HSD17B6: variants seen among roughly 807,000 people sequenced by gnomAD.
HSD17B6 encodes 17-beta-hydroxysteroid dehydrogenase type 6.
Under a neutral mutation model 26.4 loss-of-function variants are expected in HSD17B6, and 16 were observed. That is an observed-to-expected ratio of 0.61 (90% confidence interval 0.41 to 0.92). HSD17B6 has a LOEUF of 0.92. Ranked by LOEUF, HSD17B6 falls within the 40% of genes least tolerant of loss-of-function variation. HSD17B6 has a pLI of 0.00. For synonymous variants in HSD17B6, 139 were observed against 153.0 expected, an observed-to-expected ratio of 0.91 and a Z score of 0.68; for missense variants, 357 against 386.1, an observed-to-expected ratio of 0.92 and a Z score of 0.63.
At chr12:56,778,028 G>T (rs1200841848) in intron 2 of HSD17B6, among the ~76,000 whole-genome samples, 2 of 152,142 alleles carry the variant, frequency 1.3e-5, no homozygotes, top group African/African-American at 4.8e-5. Context: ...GAAGATATGG[G>T]CCTCTCTTAC....
At chr12:56,767,899 A>C (rs1954379475) in intron 1 of HSD17B6, among the ~76,000 whole-genome samples, 1 of 150,332 alleles carries the variant, frequency 6.7e-6, no homozygotes, top group South Asian at 2.1e-4. Context: ...ATATATATAC[A>C]ATGTATACAC....
At position 56,787,478 on chromosome 12, in the gene HSD17B6, G is replaced by C; in HGVS notation, c.*136G>C. 1.6e-6 allele frequency: 1 copy of C among 630,192 alleles called. No homozygotes were observed. The highest frequency in any genetic ancestry group is 2.8e-6 in the Non-Finnish European group (1 of 358,524). 39.0% of individuals were successfully genotyped at this position (630,192 alleles called of 1,614,324 possible). A position where few individuals can be genotyped will look rare whatever the true frequency, so the allele number is the denominator to read the frequency against. ...TAAATTCATTTATCTGGCATCATCA[G>C]AGTACTAACATGTTTATATTTCAGA... On this transcript the variant is annotated 3_prime_UTR_variant, in exon 5 of 5. Transcript: ENST00000322165.
chr12:56,772,200 C>T (rs1389738818), intron 1 of HSD17B6, among the ~76,000 whole-genome samples: 1 of 152,154 alleles, frequency 6.6e-6, no homozygotes, highest in African/African-American at 2.4e-5. Flanking sequence ...GAAGCCTCTC[C>T]TGAGTGTTCC....
At chr12:56,767,851 ATGTG>A (rs755151189) in intron 1 of HSD17B6, among the ~76,000 whole-genome samples, 1 of 148,242 alleles carries the variant, frequency 6.7e-6, no homozygotes, top group African/African-American at 2.5e-5. Context: ...ATAAAAATAT[ATGTG>A]TGTGTATACG....
chr12:56,782,038 C>A lies in HSD17B6; in HGVS notation c.378C>A (p.Asn126Lys). 1.2e-6 allele frequency: 2 copies of A among 1,614,148 alleles called. No individual in the cohort carries two copies. Among genetic ancestry groups the A allele is most frequent in the African/African-American group, 1.3e-5 (1 of 75,036 alleles). ...LTPITLCEWL[N>K]TEDSMNMLKV... ...CAATTACCTTATGTGAGTGGCTGAACACTGAGGACTCTATGAATATGCTCA... is the reference window on the plus strand; with the variant it reads ...CAATTACCTTATGTGAGTGGCTGAAAACTGAGGACTCTATGAATATGCTCA... Residue 126 changes from asparagine to lysine, a missense_variant, in exon 3 of 5, where the codon AAC becomes AAA. Transcript: ENST00000322165.
chr12:56,787,092 A>C (rs763795599), intron 4 of HSD17B6, 33 bp from the exon 5 acceptor site: 1 of 1,492,692 alleles, frequency 6.7e-7, no homozygotes, highest in Non-Finnish European at 9.3e-7. Context: ...AAGGAATAAG[A>C]TTGTTGACCA....
chr12:56,770,595 T>C (rs534531380), intron 1 of HSD17B6: 1 of 152,330 alleles, frequency 6.6e-6, no homozygotes, highest in East Asian at 1.9e-4. Context: ...TTACTTAGTA[T>C]AACTTAATTT....
Position 56,774,131 on chromosome 12 carries a change from T to C in HSD17B6, c.279T>C (p.Ala93=), listed in dbSNP as rs1592363511. ...CCAAGATGGAGAGCATCGCTGCAGC[T>C]ACTCAGTGGGTGAAGGAGCATGTGG... is the stretch of plus-strand genomic sequence containing the variant. ...DVTKMESIAA[A]TQWVKEHVGD... Residue 93 remains alanine (A), a synonymous_variant, in exon 2 of 5, where the codon GCT becomes GCC. Coordinates refer to ENST00000322165, the MANE Select transcript of HSD17B6 (RefSeq NM_003725.4). The C allele has an allele frequency of 6.3e-7, 1 of 1,594,894 alleles. No homozygotes were observed. The highest frequency in any genetic ancestry group is 8.6e-7 in the Non-Finnish European group (1 of 1,168,256).
At chr12:56,765,462 A>G (rs1263192878) in intron 1 of HSD17B6, among the ~76,000 whole-genome samples, 1 of 152,002 alleles carries the variant, frequency 6.6e-6, no homozygotes, top group East Asian at 1.9e-4. Context: ...AAACAAAAAC[A>G]CACACACAAA....
intron 1 of HSD17B6, among the ~76,000 whole-genome samples, chr12:56,764,091 G>GAAAAAAAAAAAAAAAAAAAAAAAAAAA (rs1954269616): frequency 1.1e-5 from 1 of 92,114 alleles, no homozygotes. Context: ...AAAAAAAAAA[G>GAAAAAAAAAAAAAAAAAAAAAAAAAAA]AAGAAAGAAA....
At chr12:56,781,191 T>TTTA (rs1454664089) in intron 2 of HSD17B6, among the ~76,000 whole-genome samples, 1 of 152,196 alleles carries the variant, frequency 6.6e-6, no homozygotes, top group African/African-American at 2.4e-5. Flanking sequence ...AAATACTGCC[T>TTTA]TTATTCCATT....
At chr12:56,784,750 A>G in intron 3 of HSD17B6, 103 bp from the exon 4 acceptor site, 3 of 1,187,074 alleles carry the variant, frequency 2.5e-6, no homozygotes, top group Non-Finnish European at 3.6e-6. Flanking sequence ...TCTTTAAAAT[A>G]TTCAGTAAAG....
chr12:56,785,443 A>G (rs1187232791), intron 4 of HSD17B6, among the ~76,000 whole-genome samples: 1 of 152,248 alleles, frequency 6.6e-6, no homozygotes, highest in Non-Finnish European at 1.5e-5. Flanking sequence ...GGGTTGGTGG[A>G]CAATGATTGG....
intron 4 of HSD17B6, chr12:56,786,123 C>G (rs1230268875): frequency 5.0e-6 from 1 of 201,380 alleles, no homozygotes; most frequent in Non-Finnish European, 8.8e-6. Flanking sequence ...CTTTAAATGG[C>G]TGAATTTTAT....
intron 2 of HSD17B6, among the ~76,000 whole-genome samples, chr12:56,777,962 C>T (rs982509030): frequency 6.6e-6 from 1 of 152,094 alleles, no homozygotes; most frequent in Non-Finnish European, 1.5e-5. Context: ...TGTGCATACC[C>T]GTTTATTTCT....
chr12:56,781,906 C>CT, intron 2 of HSD17B6, 68 bp from the exon 3 acceptor site: 1 of 1,524,710 alleles, frequency 6.6e-7, no homozygotes, highest in East Asian at 2.3e-5. Context: ...ATTCTTTCCC[C>CT]ACCAAAGTTC....
At position 56,775,137 on chromosome 12, in the gene HSD17B6, T is replaced by C. The variant is rs1350328292; in HGVS notation, c.313+972T>C. Among the ~76,000 whole-genome samples the C allele has an allele frequency of 3.3e-5, 5 of 152,374 alleles. No individual in the cohort carries two copies. The East Asian group carries it at 9.6e-4, about 29-fold the overall frequency. On this transcript the variant is annotated intron_variant, in intron 2 of 4. Transcript: ENST00000322165. ...CGTCATTTGAAGGACTGTTGAGGTCTTTTGTGGCGTTTCATTTCCTTAACA... is the reference window on the plus strand; with the variant it reads ...CGTCATTTGAAGGACTGTTGAGGTCCTTTGTGGCGTTTCATTTCCTTAACA...
chr12:56,784,789 T>G (rs1954838500), intron 3 of HSD17B6, 64 bp from the exon 4 acceptor site: 16 of 1,518,150 alleles, frequency 1.1e-5, no homozygotes, highest in Non-Finnish European at 1.4e-5. Flanking sequence ...TGTTTTGCTT[T>G]TCCTTCCTGA....
rs1443361826 is a variant in HSD17B6 at position 56,774,031 on chromosome 12, G to A, written c.179G>A (p.Cys60Tyr). ...CGAGGCTTGAGAGTGCTGGCTGCGTGTCTGACGGAGAAGGGGGCCGAGCAG... is the reference window on the plus strand; with the variant it reads ...CGAGGCTTGAGAGTGCTGGCTGCGTATCTGACGGAGAAGGGGGCCGAGCAG... ...DARGLRVLAA[C>Y]LTEKGAEQLR... is the part of the protein sequence containing the mutation. The change falls in exon 2 of 5, where the codon TGT becomes TAT. Residue 60 changes from cysteine to tyrosine, a missense_variant. Transcript: ENST00000322165. 1 of 1,614,072 alleles carries A rather than the reference G, an allele frequency of 6.2e-7. No individual in the cohort carries two copies. The highest frequency in any genetic ancestry group is 1.3e-5 in the African/African-American group (1 of 74,928).
Sources: gnomAD v4.1 joint callset for allele counts (sites outside exome capture counted in the v4.1 genomes callset) on GRCh38, gnomAD v4.1.1 for gene constraint, MANE v1.5 for transcripts, NCBI Gene and HGNC (gene_info 2026-07-23, HGNC 2026-07-21) for gene names.